SCML4: variants seen among roughly 807,000 people sequenced by gnomAD.
SCML4 encodes sex comb on midleg-like protein 4.
A neutral mutation model predicts 41.1 loss-of-function variants in SCML4; 34 were observed. The ratio of observed to expected loss-of-function variants is 0.83; its 90% confidence interval spans 0.63 to 1.10. SCML4 has a LOEUF of 1.10. SCML4 is among the 50% of genes least tolerant of loss of function. The pLI, the probability that SCML4 is intolerant of heterozygous loss-of-function variation, is 0.00. For synonymous variants in SCML4, 214 were observed against 220.9 expected (o/e 0.97, Z 0.28); for missense variants, 522 against 534.1 (o/e 0.98, Z 0.22).
Position 107,751,527 on chromosome 6 carries a change from T to G in SCML4, c.157-1714A>C, listed in dbSNP as rs183251822. On this transcript the variant is annotated intron_variant, in intron 2 of 7. Transcript: ENST00000369020. ...AGGCTTTTAGCTATTACTCTTGAAC[T>G]CTTTTGAGCAGAGAAACAATAGGAT... is the stretch of plus-strand genomic sequence containing the variant. Among the ~76,000 whole-genome samples, 6 of 152,310 alleles carry G rather than the reference T, an allele frequency of 3.9e-5. No individual in the cohort carries two copies. The East Asian group carries it at 1.2e-3, about 29-fold the overall frequency.
chr6:107,830,584 C>A, the SCML4 span, among the ~76,000 whole-genome samples: 2 of 151,912 alleles, frequency 1.3e-5, no homozygotes, highest in Admixed American at 1.3e-4. Context: ...GAGCCTAGGC[C>A]GTAGTAGGAA....
At chr6:107,771,245 T>G (rs952539804) in intron 2 of SCML4, among the ~76,000 whole-genome samples, 1 of 152,200 alleles carries the variant, frequency 6.6e-6, no homozygotes, top group African/African-American at 2.4e-5. Flanking sequence ...TCTACTGACC[T>G]GAAATAATTT....
chr6:107,823,587 G>C (rs189103932), intron 1 of SCML4, among the ~76,000 whole-genome samples: 3 of 151,858 alleles, frequency 2.0e-5, no homozygotes, highest in Non-Finnish European at 4.4e-5. Flanking sequence ...CCAGCACAAA[G>C]ACATGTGAAA....
At chr6:107,737,604 C>A (rs753087535) in intron 5 of SCML4, among the ~76,000 whole-genome samples, 4 of 152,212 alleles carry the variant, frequency 2.6e-5, no homozygotes, top group Non-Finnish European at 4.4e-5. Context: ...GTGAGCAGGA[C>A]TCTGCCAGCC....
At chr6:107,741,900 T>C (rs9372166) in intron 5 of SCML4, among the ~76,000 whole-genome samples, 26,932 of 152,176 alleles carry the variant, frequency 0.18, 2,498 homozygotes, top group East Asian at 0.24. Flanking sequence ...AAACAACGGC[T>C]GACAGGAAAC....
chr6:107,788,103 A>G (rs1266173561), intron 1 of SCML4, among the ~76,000 whole-genome samples: 2 of 152,228 alleles, frequency 1.3e-5, no homozygotes, highest in African/African-American at 4.8e-5. Context: ...TAGAGGTAAA[A>G]GGCAAGAGCA....
upstream of SCML4, among the ~76,000 whole-genome samples, chr6:107,825,936 C>CAAA (rs71015515): frequency 5.5e-3 from 346 of 62,454 alleles, 19 homozygotes; most frequent in African/African-American, 0.017. Context: ...GACTCCATCT[C>CAAA]AAAAAAAAAA....
At chr6:107,826,925 T>C (rs1466692241), upstream of SCML4, among the ~76,000 whole-genome samples, 1 of 151,320 alleles carries the variant, frequency 6.6e-6, no homozygotes, top group Admixed American at 6.6e-5. Flanking sequence ...TAGCTGGGAG[T>C]GGTGGCAGGC....
the SCML4 span, among the ~76,000 whole-genome samples, chr6:107,845,081 CAA>C: frequency 6.6e-6 from 1 of 151,822 alleles, no homozygotes; most frequent in Non-Finnish European, 1.5e-5. Context: ...ATTAAAAGTA[CAA>C]AAAATTAGCC....
intron 1 of SCML4, among the ~76,000 whole-genome samples, chr6:107,776,858 T>G (rs569754005): frequency 6.6e-6 from 1 of 152,388 alleles, no homozygotes; most frequent in South Asian, 2.1e-4. Flanking sequence ...TAGCACATTA[T>G]TTCACATTCA....
intron 1 of SCML4, among the ~76,000 whole-genome samples, chr6:107,822,325 A>G (rs954906397): frequency 6.6e-6 from 1 of 152,034 alleles, no homozygotes; most frequent in Non-Finnish European, 1.5e-5. Flanking sequence ...GCTAGAGGAG[A>G]CAGCCTTTCA....
At chr6:107,822,504 T>C (rs1019524772) in intron 1 of SCML4, among the ~76,000 whole-genome samples, 9 of 25,642 alleles carry the variant, frequency 3.5e-4, no homozygotes, top group Non-Finnish European at 5.3e-4. Context: ...TCTTTTTTTC[T>C]TTTCTTTTTT....
chr6:107,708,108 C>A, intron 6 of SCML4, 97 bp from the exon 7 acceptor site: 5 of 1,396,838 alleles, frequency 3.6e-6, no homozygotes, highest in Non-Finnish European at 4.8e-6. Context: ...AAGGGGGATC[C>A]TCAGTGCCCA....
Position 107,778,222 on chromosome 6 carries a change from A to AATATATAT in SCML4, c.-59-5844_-59-5837dup, listed in dbSNP as rs1163805768. On this transcript the variant is annotated intron_variant, in intron 1 of 7. Coordinates refer to ENST00000369020, the MANE Select transcript of SCML4 (RefSeq NM_198081.5). Reference sequence around the variant, plus strand: ...AAAAAAAAAAAAAAAAAAAAAAAAAAATATATATATATATATATATATATA... The same window carrying AATATATAT: ...AAAAAAAAAAAAAAAAAAAAAAAAAAATATATATATATATATATATATATATATATATA... 5.9e-3 allele frequency among the ~76,000 whole-genome samples: 89 copies of AATATATAT among 15,072 alleles called. 1 individual carries two copies. The highest frequency in any genetic ancestry group is 7.5e-3 in the Non-Finnish European group (47 of 6,298). 9.9% of individuals were successfully genotyped at this position (15,072 alleles called of 152,430 possible). A position where few individuals can be genotyped will look rare whatever the true frequency, so the allele number is the denominator to read the frequency against.
At chr6:107,751,616 T>TTCTTTCTTTCTTTCTC (rs1778663114) in intron 2 of SCML4, among the ~76,000 whole-genome samples, 1 of 147,600 alleles carries the variant, frequency 6.8e-6, no homozygotes, top group Non-Finnish European at 1.5e-5. Context: ...CTTTCTTTCT[T>TTCTTTCTTTCTTTCTC]TCTTTCTTTC....
rs774945994 is a variant in SCML4 at position 107,772,341 on chromosome 6, A to G, written c.-14T>C. 49 of 1,546,826 alleles carry G rather than the reference A, an allele frequency of 3.2e-5. No individual in the cohort carries two copies. In the South Asian group the frequency reaches 5.3e-4, roughly 17 times the overall value. Reference sequence around the variant, plus strand: ...TTGAGACTGCATTTCTGCTGGTGCCAGTCTTACAGAATGAGGTGACAAATC... The same window carrying G: ...TTGAGACTGCATTTCTGCTGGTGCCGGTCTTACAGAATGAGGTGACAAATC... On this transcript the variant is annotated 5_prime_UTR_variant, in exon 2 of 8. Transcript: ENST00000369020.
the SCML4 span, among the ~76,000 whole-genome samples, chr6:107,834,325 T>C: frequency 6.6e-6 from 1 of 152,172 alleles, no homozygotes; most frequent in Non-Finnish European, 1.5e-5. Context: ...CTCAAGGACA[T>C]AGGCACAGCT....
chr6:107,767,406 T>C (rs1357347072), intron 2 of SCML4, among the ~76,000 whole-genome samples: 1 of 152,190 alleles, frequency 6.6e-6, no homozygotes, highest in Non-Finnish European at 1.5e-5. Flanking sequence ...ACGAAAACCC[T>C]TTCTACTTAA....
chr6:107,819,939 C>T, intron 1 of SCML4, among the ~76,000 whole-genome samples: 1 of 152,206 alleles, frequency 6.6e-6, no homozygotes, highest in East Asian at 1.9e-4. Flanking sequence ...GTAATAAATT[C>T]CTTTCTGTCC....
Sources: allele counts gnomAD v4.1 joint callset (sites outside exome capture counted in the v4.1 genomes callset), GRCh38; gene constraint gnomAD v4.1.1; transcripts MANE v1.5; gene names NCBI Gene and HGNC (gene_info 2026-07-23, HGNC 2026-07-21).